DLGAP2: variants seen among roughly 807,000 people sequenced by gnomAD.
The protein encoded by DLGAP2 is DLG associated protein 2.
A neutral mutation model predicts 100.3 loss-of-function variants in DLGAP2; 26 were observed. The observed-to-expected ratio is 0.26, with a 90% CI of 0.19 to 0.36. DLGAP2 has a LOEUF of 0.36. DLGAP2 is among the 10% of genes least tolerant of loss of function. The pLI is 1.00. For synonymous variants in DLGAP2, 886 were observed against 630.1 expected, an observed-to-expected ratio of 1.41 and a Z score of -6.08; for missense variants, 1,858 against 1,453.2, an observed-to-expected ratio of 1.28 and a Z score of -4.53.
chr8:1,469,018 C>T (rs1162139495), intron 3 of DLGAP2, among the ~76,000 whole-genome samples: 1 of 152,246 alleles, frequency 6.6e-6, no homozygotes, highest in African/African-American at 2.4e-5. Flanking sequence ...AGGTCAGAGT[C>T]ACAGGCTCCG....
At chr8:779,463 C>G (rs544170782) in intron 1 of DLGAP2, among the ~76,000 whole-genome samples, 24 of 135,900 alleles carry the variant, frequency 1.8e-4, no homozygotes, top group Non-Finnish European at 3.6e-4. Flanking sequence ...TCCCTTCTTT[C>G]TTTCTTTTTT....
chr8:1,425,130 T>G (rs1797203514), intron 3 of DLGAP2, among the ~76,000 whole-genome samples: 1 of 152,242 alleles, frequency 6.6e-6, no homozygotes, highest in Admixed American at 6.5e-5. Context: ...AAATTATATT[T>G]CAGCACTGGG....
chr8:1,170,803 T>C (rs1486629433), intron 2 of DLGAP2, among the ~76,000 whole-genome samples: 2 of 147,950 alleles, frequency 1.4e-5, no homozygotes, highest in African/African-American at 5.0e-5. Flanking sequence ...GCTAGCGGTC[T>C]ATCAATTTTG....
chr8:1,449,356 C>CTG (rs1379034561), intron 3 of DLGAP2, among the ~76,000 whole-genome samples: 1 of 152,196 alleles, frequency 6.6e-6, no homozygotes, highest in Admixed American at 6.5e-5. Flanking sequence ...CTTAGTCCAG[C>CTG]CCAGGCAGCT....
In DLGAP2 at chr8:871,439, C is replaced by T. The variant is rs184541250; in HGVS notation, c.19-36473C>T. Among the ~76,000 whole-genome samples the T allele has an allele frequency of 2.0e-5, 3 of 152,314 alleles. No individual in the cohort carries two copies. In the East Asian group the frequency reaches 5.8e-4, roughly 29 times the overall value. ...TCCTGCTTCTGAGTCCACCGTTGCT[C>T]ATTTTCCTACATGTTTCTTCATCCA... is the stretch of plus-strand genomic sequence containing the variant. On this transcript the variant is annotated intron_variant, in intron 1 of 14. Coordinates refer to ENST00000637795, the MANE Select transcript of DLGAP2 (RefSeq NM_001346810.2).
chr8:1,208,903 A>AATAC (rs1232151127), intron 2 of DLGAP2, among the ~76,000 whole-genome samples: 2 of 149,730 alleles, frequency 1.3e-5, no homozygotes, highest in Non-Finnish European at 3.0e-5. Flanking sequence ...TAAATAAATA[A>AATAC]ATAAATAAAA....
intron 1 of DLGAP2, among the ~76,000 whole-genome samples, chr8:882,246 G>A (rs1056630537): frequency 6.6e-6 from 1 of 152,036 alleles, no homozygotes; most frequent in African/African-American, 2.4e-5. Context: ...AGAGATCTGC[G>A]GAGGCCTCTC....
intron 3 of DLGAP2, among the ~76,000 whole-genome samples, chr8:1,454,355 G>GT (rs778104515): frequency 0.021 from 3,100 of 145,430 alleles, 31 homozygotes; most frequent in African/African-American, 0.03. Flanking sequence ...CCTCTGTAAC[G>GT]TTTTTTTTTT....
At chr8:1,229,758 C>G (rs756721265) in intron 2 of DLGAP2, among the ~76,000 whole-genome samples, 11 of 152,118 alleles carry the variant, frequency 7.2e-5, no homozygotes, top group Admixed American at 2.6e-4. Context: ...AACAGAATTA[C>G]AAACAAAAAC....
chr8:1,209,305 T>C (rs1443131669), intron 2 of DLGAP2, among the ~76,000 whole-genome samples: 3 of 152,192 alleles, frequency 2.0e-5, no homozygotes, highest in Non-Finnish European at 2.9e-5. Context: ...AAAATAGGCA[T>C]GTAGAGCAAT....
intron 4 of DLGAP2, among the ~76,000 whole-genome samples, chr8:1,511,699 T>C (rs1442410873): frequency 6.6e-6 from 1 of 151,364 alleles, no homozygotes; most frequent in Non-Finnish European, 1.5e-5. Flanking sequence ...GATGACCATC[T>C]TCCATGGACG....
chr8:1,562,686 A>G (rs62484075), intron 5 of DLGAP2, among the ~76,000 whole-genome samples: 1,089 of 7,522 alleles, frequency 0.14, 65 homozygotes, highest in African/African-American at 0.18. Flanking sequence ...TCCGCGCCTC[A>G]TTACTGGGGG....
chr8:1,219,312 G>T (rs1798272550), intron 2 of DLGAP2, among the ~76,000 whole-genome samples: 1 of 151,924 alleles, frequency 6.6e-6, no homozygotes, highest in Non-Finnish European at 1.5e-5. Flanking sequence ...AGTTTGTGAG[G>T]GTTTTTAACA....
chr8:768,819 G>C (rs1821282150), intron 1 of DLGAP2, among the ~76,000 whole-genome samples: 1 of 152,068 alleles, frequency 6.6e-6, no homozygotes, highest in South Asian at 2.1e-4. Flanking sequence ...ATTTAAAATT[G>C]GCATGCTTTA....
At chr8:1,423,421 T>C (rs1043130858) in intron 3 of DLGAP2, among the ~76,000 whole-genome samples, 1 of 152,184 alleles carries the variant, frequency 6.6e-6, no homozygotes, top group Non-Finnish European at 1.5e-5. Context: ...CCACATCCCA[T>C]AGCCCACTTT....
chr8:1,425,247 T>A (rs1797206118), intron 3 of DLGAP2, among the ~76,000 whole-genome samples: 1 of 152,224 alleles, frequency 6.6e-6, no homozygotes, highest in Non-Finnish European at 1.5e-5. Flanking sequence ...AGTGAAAATA[T>A]CTGTCTGTAT....
chr8:1,118,532 C>T (rs1473198705), intron 2 of DLGAP2, among the ~76,000 whole-genome samples: 4 of 143,108 alleles, frequency 2.8e-5, no homozygotes, highest in East Asian at 2.2e-4. Context: ...CTAAACTGTG[C>T]GAATAGAAAT....
At chr8:863,231 G>T (rs1585946620) in intron 1 of DLGAP2, among the ~76,000 whole-genome samples, 1 of 152,130 alleles carries the variant, frequency 6.6e-6, no homozygotes. Context: ...TGGAAATTGG[G>T]GTCTGGACAT....
At chr8:1,645,662 C>A (rs973559796) in intron 8 of DLGAP2, among the ~76,000 whole-genome samples, 1 of 152,160 alleles carries the variant, frequency 6.6e-6, no homozygotes, top group African/African-American at 2.4e-5. Context: ...AGACAATAAT[C>A]TTACAGGTAC....
Sources: allele counts gnomAD v4.1 joint callset (sites outside exome capture counted in the v4.1 genomes callset), GRCh38; gene constraint gnomAD v4.1.1; transcripts MANE v1.5; gene names NCBI Gene and HGNC (gene_info 2026-07-23, HGNC 2026-07-21).